Variants in SLC44A5 observed in about 807,000 individuals in gnomAD.
The protein encoded by SLC44A5 is solute carrier family 44 member 5.
A neutral mutation model predicts 101.8 loss-of-function variants in SLC44A5; 57 were observed. The observed-to-expected ratio is 0.56, with a 90% CI of 0.45 to 0.70. SLC44A5 has a LOEUF of 0.70. Among genes scored for constraint, SLC44A5 ranks in the 30% least tolerant of loss-of-function variants. The pLI, the probability that SLC44A5 is intolerant of heterozygous loss-of-function variation, is 0.00. For synonymous variants in SLC44A5, 281 were observed against 290.9 expected (o/e 0.97, Z 0.35); for missense variants, 737 against 853.1 (o/e 0.86, Z 1.70).
At chr1:75,238,342 G>A (rs1648297216) in intron 10 of SLC44A5, among the ~76,000 whole-genome samples, 171 bp downstream of exon 10, 1 of 140,566 alleles carries the variant, frequency 7.1e-6, no homozygotes, top group African/African-American at 2.6e-5. Flanking sequence ...TCTTCTTAAT[G>A]AATATGTATC....
intron 2 of SLC44A5, among the ~76,000 whole-genome samples, chr1:75,490,122 T>C (rs182420715): frequency 4.3e-4 from 65 of 152,268 alleles, no homozygotes; most frequent in Non-Finnish European, 7.4e-4. Context: ...TCTATTATTT[T>C]AATAAATAAT....
intron 6 of SLC44A5, among the ~76,000 whole-genome samples, chr1:75,253,999 T>C (rs1053274476): frequency 9.9e-5 from 15 of 152,246 alleles, no homozygotes; most frequent in African/African-American, 3.6e-4. Flanking sequence ...TCTATAGTCA[T>C]TCTATCACAG....
intron 1 of SLC44A5, 84 bp from the exon 2 acceptor site, chr1:75,541,600 A>G: frequency 2.6e-6 from 2 of 770,636 alleles, no homozygotes; most frequent in East Asian, 5.5e-5. Context: ...GAATGCTCTC[A>G]TAACTTACTA....
chr1:75,630,595 T>TATC, the SLC44A5 span, among the ~76,000 whole-genome samples: 1 of 83,202 alleles, frequency 1.2e-5, no homozygotes, highest in African/African-American at 3.0e-5. Flanking sequence ...CTTTTTTCAC[T>TATC]ATTATTATTA....
At chr1:75,646,629 G>T in the SLC44A5 span, among the ~76,000 whole-genome samples, 1 of 152,142 alleles carries the variant, frequency 6.6e-6, no homozygotes, top group Non-Finnish European at 1.5e-5. Flanking sequence ...GTCCCTGCAT[G>T]CTCTTCTCAT....
intron 11 of SLC44A5, 78 bp from the exon 12 acceptor site, chr1:75,234,176 T>C: frequency 1.1e-6 from 1 of 931,090 alleles, no homozygotes; most frequent in Non-Finnish European, 1.7e-6. Flanking sequence ...CAAAACTTTT[T>C]TTCTATTCAA....
chr1:75,232,089 T>C lies in SLC44A5; in HGVS notation c.853+1897A>G, dbSNP rs145050953. ...TCTTATTTTCTGACACTCCTCAACC[T>C]AACTGGACCTTTCCTCCCTCAGTAA... On this transcript the variant is annotated intron_variant, in intron 12 of 23. Transcript: ENST00000370859. Among the ~76,000 whole-genome samples the C allele has an allele frequency of 2.3e-4, 34 of 148,310 alleles. No homozygotes were observed. In the East Asian group the frequency reaches 6.6e-3, roughly 29 times the overall value.
chr1:75,574,619 C>T (rs1303031643), intron 1 of SLC44A5, among the ~76,000 whole-genome samples: 2 of 152,210 alleles, frequency 1.3e-5, no homozygotes, highest in African/African-American at 4.8e-5. Flanking sequence ...AGCTCCACTC[C>T]TACCAGCACC....
At position 75,515,368 on chromosome 1, in the gene SLC44A5, CA is replaced by C. The variant is rs531529764; in HGVS notation, c.13+26066del. Among the ~76,000 whole-genome samples, 153 of 146,144 alleles carry C rather than the reference CA, an allele frequency of 1.0e-3. 2 individuals carry two copies. Among genetic ancestry groups the C allele is most frequent in the South Asian group, 8.3e-3 (38 of 4,598 alleles). On this transcript the variant is annotated intron_variant, in intron 2 of 23. Coordinates refer to ENST00000370859, the MANE Select transcript of SLC44A5 (RefSeq NM_001130058.2). The stretch of plus-strand genomic sequence containing the variant: ...ATTCACAATGCTGCATGATAGATGT[CA>C]AAAAAAAAAGCAAGCATATTTCTCT...
the SLC44A5 span, among the ~76,000 whole-genome samples, chr1:75,688,401 G>T: frequency 6.6e-6 from 1 of 152,036 alleles, no homozygotes; most frequent in South Asian, 2.1e-4. Flanking sequence ...ATACTTTTTG[G>T]ACACAGCAAG....
chr1:75,321,501 T>C (rs1656144997), intron 4 of SLC44A5, among the ~76,000 whole-genome samples: 1 of 152,012 alleles, frequency 6.6e-6, no homozygotes, highest in African/African-American at 2.4e-5. Flanking sequence ...TTGTCTCTTC[T>C]TACAAGGGCA....
At chr1:75,541,207 A>C (rs1671337432) in intron 2 of SLC44A5, among the ~76,000 whole-genome samples, 1 of 152,144 alleles carries the variant, frequency 6.6e-6, no homozygotes, top group African/African-American at 2.4e-5. Context: ...AATCACTGCT[A>C]TAGGGAGTCC....
the SLC44A5 span, among the ~76,000 whole-genome samples, chr1:75,630,889 A>G: frequency 6.6e-6 from 1 of 152,190 alleles, no homozygotes; most frequent in Non-Finnish European, 1.5e-5. Flanking sequence ...AACTATGTCA[A>G]TACTCAGAAA....
At chr1:75,621,066 G>A in the SLC44A5 span, among the ~76,000 whole-genome samples, 1 of 151,944 alleles carries the variant, frequency 6.6e-6, no homozygotes, top group African/African-American at 2.4e-5. Context: ...AGAATTTCTG[G>A]CTATTCTTGA....
At chr1:75,476,278 G>A (rs1667393923) in intron 2 of SLC44A5, among the ~76,000 whole-genome samples, 1 of 152,310 alleles carries the variant, frequency 6.6e-6, no homozygotes, top group African/African-American at 2.4e-5. Flanking sequence ...CAGCCAAGAT[G>A]GTAGCATAGG....
At chr1:75,366,356 T>G (rs2101140081) in intron 3 of SLC44A5, among the ~76,000 whole-genome samples, 1 of 152,282 alleles carries the variant, frequency 6.6e-6, no homozygotes, top group East Asian at 1.9e-4. Flanking sequence ...CATACTCTCC[T>G]AGCCTGCAAG....
At chr1:75,252,450 T>C (rs1194951106) in intron 6 of SLC44A5, among the ~76,000 whole-genome samples, 2 of 152,178 alleles carry the variant, frequency 1.3e-5, no homozygotes, top group Non-Finnish European at 2.9e-5. Flanking sequence ...CCTGTCTACA[T>C]AAGCCAATAT....
chr1:75,676,788 G>A, the SLC44A5 span, among the ~76,000 whole-genome samples: 1 of 152,054 alleles, frequency 6.6e-6, no homozygotes, highest in Admixed American at 6.6e-5. Context: ...ACACCAAGCA[G>A]ATTTAACCAA....
At chr1:75,458,391 A>T (rs1666308785) in intron 2 of SLC44A5, among the ~76,000 whole-genome samples, 1 of 152,190 alleles carries the variant, frequency 6.6e-6, no homozygotes, top group South Asian at 2.1e-4. Context: ...GCTGTATCCT[A>T]CAGATAATAT....
Sources: allele counts gnomAD v4.1 joint callset (sites outside exome capture counted in the v4.1 genomes callset), GRCh38; gene constraint gnomAD v4.1.1; transcripts MANE v1.5; gene names NCBI Gene and HGNC (gene_info 2026-07-23, HGNC 2026-07-21).